Variants in UGT1A8 observed in about 807,000 individuals in gnomAD.
UGT1A8 encodes UDP glucuronosyltransferase family 1 member A8.
UGT1A8 carries 39 observed loss-of-function variants against 45.3 expected under a neutral mutation model. The observed-to-expected ratio is 0.86, with a 90% CI of 0.67 to 1.12. UGT1A8 has a LOEUF of 1.12. Among genes scored for constraint, UGT1A8 ranks in the 50% most tolerant of loss-of-function variants. The pLI is 0.00. For synonymous variants in UGT1A8, 275 were observed against 249.2 expected (o/e 1.10, Z -0.97); for missense variants, 719 against 664.9 (o/e 1.08, Z -0.90).
chr2:233,718,670 T>C (rs1422403188), intron 1 of UGT1A8: 2 of 1,550,504 alleles, frequency 1.3e-6, no homozygotes, highest in Non-Finnish European at 1.7e-6. Flanking sequence ...TATAGATTAA[T>C]GGGTAATAAG....
intron 1 of UGT1A8, among the ~76,000 whole-genome samples, chr2:233,704,631 AC>A (rs375388019): frequency 5.3e-5 from 8 of 152,238 alleles, no homozygotes; most frequent in Middle Eastern, 3.4e-3. Flanking sequence ...TGTTATATTA[AC>A]CTTTTTGCTT....
At chr2:233,652,658 T>C (rs1229512440) in intron 1 of UGT1A8, among the ~76,000 whole-genome samples, 1 of 152,206 alleles carries the variant, frequency 6.6e-6, no homozygotes, top group Admixed American at 6.5e-5. Context: ...AGAATCCAGA[T>C]ATAAACCCAT....
intron 1 of UGT1A8, chr2:233,637,481 A>G: frequency 6.7e-7 from 1 of 1,498,742 alleles, no homozygotes; most frequent in Non-Finnish European, 8.9e-7. Context: ...GTTGCATTTC[A>G]AATTTCTTTC....
At chr2:233,695,198 C>T (rs2075272132) in intron 1 of UGT1A8, among the ~76,000 whole-genome samples, 1 of 150,442 alleles carries the variant, frequency 6.6e-6, no homozygotes, top group South Asian at 2.1e-4. Flanking sequence ...CGATCTCAGC[C>T]CACTGCAACC....
At chr2:233,671,332 G>T (rs560217503) in intron 1 of UGT1A8, among the ~76,000 whole-genome samples, 1 of 152,318 alleles carries the variant, frequency 6.6e-6, no homozygotes, top group Non-Finnish European at 1.5e-5. Flanking sequence ...ATGGTCCATG[G>T]AAGCAGGGTT....
At chr2:233,742,442 C>T (rs112027081) in intron 1 of UGT1A8, among the ~76,000 whole-genome samples, 3,340 of 152,032 alleles carry the variant, frequency 0.022, 220 homozygotes, top group African/African-American at 0.075. Flanking sequence ...CCTGGGTGGG[C>T]CAGGTGTTCC....
intron 1 of UGT1A8, among the ~76,000 whole-genome samples, chr2:233,701,633 T>G (rs926764680): frequency 3.9e-5 from 6 of 152,216 alleles, no homozygotes; most frequent in Non-Finnish European, 5.9e-5. Context: ...ACAGAAATTA[T>G]AGCAAACTGT....
intron 1 of UGT1A8, among the ~76,000 whole-genome samples, chr2:233,651,579 C>G (rs1352526605): frequency 2.0e-5 from 3 of 152,118 alleles, no homozygotes; most frequent in African/African-American, 7.2e-5. Flanking sequence ...TGCCCTTTGA[C>G]AAAGAGCCTT....
intron 1 of UGT1A8, chr2:233,742,993 T>G: frequency 4.3e-6 from 1 of 231,186 alleles, no homozygotes; most frequent in Admixed American, 5.2e-5. Flanking sequence ...AATAGCAAAT[T>G]GCATACAGAT....
chr2:233,753,016 T>C (rs1233193330), intron 1 of UGT1A8, among the ~76,000 whole-genome samples: 2 of 152,164 alleles, frequency 1.3e-5, no homozygotes, highest in Admixed American at 1.3e-4. Flanking sequence ...AGAGTGGTGA[T>C]TTACAACACA....
At chr2:233,763,485 C>G (rs763947440) in intron 1 of UGT1A8, among the ~76,000 whole-genome samples, 4 of 152,140 alleles carry the variant, frequency 2.6e-5, no homozygotes, top group Non-Finnish European at 4.4e-5. Context: ...TTGATTGTAA[C>G]TCTCTCAGTT....
intron 1 of UGT1A8, among the ~76,000 whole-genome samples, chr2:233,738,283 A>G (rs1177396834): frequency 6.6e-6 from 1 of 152,176 alleles, no homozygotes; most frequent in African/African-American, 2.4e-5. Context: ...TTTATAAATT[A>G]CCCAGTCTTG....
At chr2:233,755,243 T>G (rs1026667908) in intron 1 of UGT1A8, 19 of 851,916 alleles carry the variant, frequency 2.2e-5, no homozygotes, top group African/African-American at 5.1e-5. Flanking sequence ...ACCGGGGTAC[T>G]CCCAGCACCT....
chr2:233,718,780 A>T (rs765403855), intron 1 of UGT1A8: 4 of 1,612,996 alleles, frequency 2.5e-6, no homozygotes, highest in Non-Finnish European at 3.4e-6. Context: ...TAGCAGGCAC[A>T]GCGTGGGGTG....
intron 1 of UGT1A8, among the ~76,000 whole-genome samples, chr2:233,670,867 A>C (rs1212661346): frequency 3.3e-5 from 5 of 152,234 alleles, no homozygotes; most frequent in African/African-American, 4.8e-5. Flanking sequence ...TCAGGGACAA[A>C]GTAATGATAG....
At chr2:233,692,519 T>C (rs2075099772) in intron 1 of UGT1A8, among the ~76,000 whole-genome samples, 1 of 152,124 alleles carries the variant, frequency 6.6e-6, no homozygotes, top group Non-Finnish European at 1.5e-5. Flanking sequence ...GTGGGGTCCG[T>C]GCTAACTCAG....
rs527538087 is a variant in UGT1A8, at chr2:233,704,924, A to G, written c.856-62110A>G. 2.6e-5 allele frequency among the ~76,000 whole-genome samples: 4 copies of G among 152,248 alleles called. No individual in the cohort carries two copies. The East Asian group carries it at 7.7e-4, about 29-fold the overall frequency. On this transcript the variant is annotated intron_variant, in intron 1 of 4. Transcript: ENST00000373450. Reference sequence around the variant, plus strand: ...TGAGGCAGGTGGATCACCTGAGACCAGCCTAGATCAAGACCAGCCTGGCCA... The same window carrying G: ...TGAGGCAGGTGGATCACCTGAGACCGGCCTAGATCAAGACCAGCCTGGCCA...
intron 1 of UGT1A8, among the ~76,000 whole-genome samples, chr2:233,673,196 C>A (rs983904286): frequency 6.6e-6 from 1 of 152,142 alleles, no homozygotes; most frequent in Non-Finnish European, 1.5e-5. Flanking sequence ...TGTAAATTCT[C>A]ACACCTATTT....
At position 233,681,890 on chromosome 2, in the gene UGT1A8, T is replaced by G. The variant is rs1245402315; in HGVS notation, c.855+63328T>G. Reference sequence around the variant, plus strand: ...TCTGTACTTCTTCCACTTACTATATTATAGGAGCTTAGAATCCCAGCTGCT... The same window carrying G: ...TCTGTACTTCTTCCACTTACTATATGATAGGAGCTTAGAATCCCAGCTGCT... On this transcript the variant is annotated intron_variant, in intron 1 of 4. Transcript: ENST00000373450. The G allele has an allele frequency of 1.9e-6, 3 of 1,584,922 alleles. No individual in the cohort carries two copies. The African/African-American group carries it at 4.1e-5, about 21-fold the overall frequency.
Sources: allele counts gnomAD v4.1 joint callset (sites outside exome capture counted in the v4.1 genomes callset), GRCh38; gene constraint gnomAD v4.1.1; transcripts MANE v1.5; gene names NCBI Gene and HGNC (gene_info 2026-07-23, HGNC 2026-07-21).